Variants in PRKG1 observed in about 807,000 individuals in gnomAD.
PRKG1 encodes protein kinase cGMP-dependent 1.
In PRKG1, 35 loss-of-function variants were observed where a neutral mutation model predicts 88.1. The ratio of observed to expected loss-of-function variants is 0.40; its 90% CI spans 0.30 to 0.53. The LOEUF is 0.53. Among genes scored for constraint, PRKG1 ranks in the 20% least tolerant of loss-of-function variants. PRKG1 has a pLI of 0.59. For synonymous variants in PRKG1, 303 were observed against 292.5 expected (o/e 1.04, Z -0.37); for missense variants, 540 against 839.8 (o/e 0.64, Z 4.41).
At chr10:51,363,713 A>G (rs1842533036) in intron 2 of PRKG1, among the ~76,000 whole-genome samples, 1 of 151,740 alleles carries the variant, frequency 6.6e-6, no homozygotes, top group South Asian at 2.1e-4. Context: ...TTTCACCATG[A>G]CTCTGCCACC....
chr10:51,062,649 T>C (rs981182820), intron 1 of PRKG1: 3 of 151,810 alleles, frequency 2.0e-5, no homozygotes, highest in African/African-American at 7.3e-5. Context: ...TGAGATGGAG[T>C]TTTGCTCTTG....
chr10:52,102,300 A>G (rs867601268), intron 7 of PRKG1, among the ~76,000 whole-genome samples: 1 of 152,146 alleles, frequency 6.6e-6, no homozygotes, highest in African/African-American at 2.4e-5. Context: ...TATTTAATTC[A>G]GCCTCTAGAC....
In PRKG1 at chr10:51,814,155, G is replaced by C. The variant is rs913156335; in HGVS notation, c.698+9465G>C. Among the ~76,000 whole-genome samples, 20 of 152,268 alleles carry C rather than the reference G, an allele frequency of 1.3e-4. No individual in the cohort carries two copies. The South Asian group carries it at 4.1e-3, about 32-fold the overall frequency. On this transcript the variant is annotated intron_variant, in intron 4 of 17. Coordinates refer to ENST00000373980, the MANE Select transcript of PRKG1 (RefSeq NM_006258.4). ...AGGTTGTAGTCTGTAAGTGGGACCT[G>C]TTCTTGCTTAGGCTATGCTCTGTGA...
At chr10:51,620,380 A>G (rs1839175319) in intron 3 of PRKG1, among the ~76,000 whole-genome samples, 1 of 152,224 alleles carries the variant, frequency 6.6e-6, no homozygotes, top group East Asian at 1.9e-4. Flanking sequence ...CCTAGACACT[A>G]AAGATACCAA....
intron 3 of PRKG1, among the ~76,000 whole-genome samples, chr10:51,689,791 T>C (rs780795339): frequency 3.6e-4 from 55 of 151,744 alleles, no homozygotes; most frequent in Non-Finnish European, 7.8e-4. Flanking sequence ...GAGTGGGTGA[T>C]GAGCAAGAGA....
Position 51,838,811 on chromosome 10 carries a change from A to G in PRKG1, c.698+34121A>G, listed in dbSNP as rs1840194729. ...TAGGGCTATTGTTAGCCTAATGGGA[A>G]GTGATGGGAAATAAAAACAACCAAG... On this transcript the variant is annotated intron_variant, in intron 4 of 17. Coordinates refer to ENST00000373980, the MANE Select transcript of PRKG1 (RefSeq NM_006258.4). Among the ~76,000 whole-genome samples the G allele has an allele frequency of 2.0e-5, 3 of 152,168 alleles. No homozygotes were observed. The South Asian group carries it at 6.2e-4, about 31-fold the overall frequency.
intron 3 of PRKG1, chr10:51,698,329 C>A: frequency 6.2e-7 from 1 of 1,614,176 alleles, no homozygotes; most frequent in Non-Finnish European, 8.5e-7. Context: ...CTCTACCATC[C>A]ATAGGTAGAC....
intron 9 of PRKG1, among the ~76,000 whole-genome samples, chr10:52,224,838 T>TATATATATAC (rs1172536011): frequency 8.8e-5 from 12 of 135,812 alleles, no homozygotes; most frequent in African/African-American, 3.2e-4. Flanking sequence ...TATATATATA[T>TATATATATAC]ACATACATAC....
At chr10:52,110,779 C>T (rs977169701) in intron 7 of PRKG1, among the ~76,000 whole-genome samples, 1 of 152,090 alleles carries the variant, frequency 6.6e-6, no homozygotes, top group Non-Finnish European at 1.5e-5. Context: ...TATGATCATT[C>T]GTCTGTCATA....
Position 51,949,845 on chromosome 10 carries a change from T to C in PRKG1, c.762+42275T>C, listed in dbSNP as rs144729667. 4.5e-3 allele frequency among the ~76,000 whole-genome samples: 686 copies of C among 152,332 alleles called. 7 individuals carry two copies. The highest frequency in any genetic ancestry group is 0.016 in the African/African-American group (653 of 41,578). On this transcript the variant is annotated intron_variant, in intron 5 of 17. Transcript: ENST00000373980. Reference sequence around the variant, plus strand: ...TGTCAGAGGGTGTCTTCTCAGATTATAATCATACATGTATACATGCCATAA... The same window carrying C: ...TGTCAGAGGGTGTCTTCTCAGATTACAATCATACATGTATACATGCCATAA...
chr10:51,254,937 A>C (rs1371103155), intron 2 of PRKG1, among the ~76,000 whole-genome samples: 2 of 152,056 alleles, frequency 1.3e-5, no homozygotes, highest in Non-Finnish European at 2.9e-5. Context: ...TTCAGGACAG[A>C]ATGCCCCAAA....
intron 5 of PRKG1, among the ~76,000 whole-genome samples, chr10:51,925,884 A>G (rs1367935718): frequency 6.6e-6 from 1 of 152,122 alleles, no homozygotes; most frequent in Non-Finnish European, 1.5e-5. Context: ...TTTTTCTTAT[A>G]AGGATGAAAG....
At chr10:51,712,046 A>T (rs922549275) in intron 3 of PRKG1, among the ~76,000 whole-genome samples, 2 of 152,210 alleles carry the variant, frequency 1.3e-5, no homozygotes, top group African/African-American at 4.8e-5. Flanking sequence ...GTTTTATATG[A>T]TACAGGAGCC....
intron 1 of PRKG1, among the ~76,000 whole-genome samples, chr10:51,077,207 T>G (rs1358299238): frequency 1.3e-5 from 2 of 152,232 alleles, no homozygotes; most frequent in African/African-American, 2.4e-5. Flanking sequence ...TGTTTGCCTT[T>G]CAATGTATTT....
intron 4 of PRKG1, among the ~76,000 whole-genome samples, chr10:51,831,895 T>G (rs1305120854): frequency 6.6e-6 from 1 of 152,008 alleles, no homozygotes; most frequent in Non-Finnish European, 1.5e-5. Flanking sequence ...TGAAAGAAAC[T>G]ATCAATTTTT....
intron 2 of PRKG1, among the ~76,000 whole-genome samples, chr10:51,346,413 A>G (rs1842115490): frequency 6.6e-6 from 1 of 152,230 alleles, no homozygotes; most frequent in Non-Finnish European, 1.5e-5. Context: ...CATTCTAGTG[A>G]GAGTTATAAA....
intron 3 of PRKG1, among the ~76,000 whole-genome samples, chr10:51,595,314 C>A (rs571034173): frequency 9.1e-4 from 139 of 151,976 alleles, no homozygotes; most frequent in Non-Finnish European, 1.8e-3. Context: ...AGGGAAAGAC[C>A]TTGTTTCAAA....
At position 52,295,289 on chromosome 10, in the gene PRKG1, T is replaced by C. The variant is rs911294379; in HGVS notation, c.*1389T>C. 6.6e-6 allele frequency: 1 copy of C among 152,190 alleles called. No individual in the cohort carries two copies. The highest frequency in any genetic ancestry group is 2.4e-5 in the African/African-American group (1 of 41,558). 9.4% of individuals were successfully genotyped at this position (152,190 alleles called of 1,614,324 possible). A position where few individuals can be genotyped will look rare whatever the true frequency, so the allele number is the denominator to read the frequency against. ...TGAATAAGCTGAGTCCATATACTTG[T>C]CTAACTAAGAAAGCAGTACAGAGGA... On this transcript the variant is annotated 3_prime_UTR_variant, in exon 18 of 18. Transcript: ENST00000373980.
chr10:51,896,010 T>C (rs1026883357), intron 4 of PRKG1, among the ~76,000 whole-genome samples: 1 of 151,914 alleles, frequency 6.6e-6, no homozygotes, highest in Non-Finnish European at 1.5e-5. Flanking sequence ...ACAATTTTGC[T>C]CCCCACCTTT....
Sources: gnomAD v4.1 joint callset for allele counts (sites outside exome capture counted in the v4.1 genomes callset) on GRCh38, gnomAD v4.1.1 for gene constraint, MANE v1.5 for transcripts, NCBI Gene and HGNC (gene_info 2026-07-23, HGNC 2026-07-21) for gene names.